GALNT13: variants seen among roughly 807,000 people sequenced by gnomAD.
The protein encoded by GALNT13 is UDP-GalNAc:polypeptide N-acetylgalactosaminyltransferase 13.
A neutral mutation model predicts 64.2 loss-of-function variants in GALNT13; 28 were observed. The observed-to-expected ratio is 0.44, with a 90% CI of 0.32 to 0.60. The LOEUF (loss-of-function observed/expected upper bound fraction) is 0.60, where lower values mean the gene tolerates loss of function less well. Ranked by LOEUF, GALNT13 falls within the 20% of genes least tolerant of loss-of-function variation. The pLI is 0.05. For missense variants in GALNT13, 577 were observed against 669.8 expected (o/e 0.86, Z 1.53); for synonymous variants, 214 against 224.6 (o/e 0.95, Z 0.42).
intron 4 of GALNT13, among the ~76,000 whole-genome samples, chr2:154,178,027 T>G (rs189868141): frequency 1.5e-3 from 233 of 152,306 alleles, no homozygotes; most frequent in African/African-American, 5.0e-3. Flanking sequence ...ATTCAGTAAT[T>G]GCAAATTATT....
chr2:153,405,036 C>T, the GALNT13 span, among the ~76,000 whole-genome samples: 25 of 152,298 alleles, frequency 1.6e-4, no homozygotes, highest in South Asian at 4.1e-4. Flanking sequence ...CTAGCCAGAG[C>T]TTGTGGTGTC....
chr2:154,166,602 T>C (rs1178578429), intron 4 of GALNT13, among the ~76,000 whole-genome samples: 2 of 152,222 alleles, frequency 1.3e-5, no homozygotes, highest in African/African-American at 4.8e-5. Context: ...AGAAATACCA[T>C]TTGACCTAGC....
the GALNT13 span, among the ~76,000 whole-genome samples, chr2:153,316,858 G>T: frequency 6.6e-6 from 1 of 151,990 alleles, no homozygotes; most frequent in South Asian, 2.1e-4. Context: ...GACTTTGTAG[G>T]GATTCAAGAC....
the GALNT13 span, among the ~76,000 whole-genome samples, chr2:153,402,604 T>A: frequency 2.0e-5 from 3 of 152,118 alleles, no homozygotes; most frequent in African/African-American, 4.8e-5. Context: ...TAGTCCCATA[T>A]TTCTTGGAGG....
At chr2:153,070,523 T>C in the GALNT13 span, among the ~76,000 whole-genome samples, 1 of 152,170 alleles carries the variant, frequency 6.6e-6, no homozygotes, top group South Asian at 2.1e-4. Context: ...ACCACACAAA[T>C]GCAAGATGCT....
At chr2:153,940,455 C>T (rs57698640) in intron 2 of GALNT13, among the ~76,000 whole-genome samples, 28,022 of 151,664 alleles carry the variant, frequency 0.18, 4,803 homozygotes, top group East Asian at 0.76. Context: ...CCGGGTTTTG[C>T]CATGTTGACC....
chr2:154,227,007 CA>C (rs1404829109), intron 4 of GALNT13, among the ~76,000 whole-genome samples: 3 of 152,090 alleles, frequency 2.0e-5, no homozygotes, highest in Non-Finnish European at 4.4e-5. Flanking sequence ...TGACCCTGCT[CA>C]AATAAAGTGC....
the GALNT13 span, among the ~76,000 whole-genome samples, chr2:153,743,301 A>G: frequency 6.6e-6 from 1 of 152,056 alleles, no homozygotes; most frequent in African/African-American, 2.4e-5. Flanking sequence ...TCATTGTTGG[A>G]TAGACACAAG....
chr2:153,491,703 C>G, the GALNT13 span, among the ~76,000 whole-genome samples: 1 of 152,000 alleles, frequency 6.6e-6, no homozygotes, highest in African/African-American at 2.4e-5. Context: ...TCACTGCAGC[C>G]TCCACCTCCC....
chr2:153,683,585 G>A, the GALNT13 span, among the ~76,000 whole-genome samples: 1 of 151,602 alleles, frequency 6.6e-6, no homozygotes, highest in African/African-American at 2.4e-5. Flanking sequence ...TTAAGTGTTA[G>A]ATATCTAAGA....
chr2:153,403,415 A>G, the GALNT13 span, among the ~76,000 whole-genome samples: 4 of 152,146 alleles, frequency 2.6e-5, no homozygotes, highest in Non-Finnish European at 2.9e-5. Flanking sequence ...GGTGGAGCCT[A>G]CAGAGGCAGG....
Position 154,453,529 on chromosome 2 carries a change from A to G in GALNT13, c.*2978A>G, listed in dbSNP as rs1371271213. 6.6e-6 allele frequency: 1 copy of G among 152,120 alleles called. No homozygotes were observed. The highest frequency in any genetic ancestry group is 1.5e-5 in the Non-Finnish European group (1 of 68,056). The allele number at this position is 152,120 out of a possible 1,614,324, so 9.4% of individuals were successfully genotyped here. A position where few individuals can be genotyped will look rare whatever the true frequency, so the allele number is the denominator to read the frequency against. ...TCAGTTCAAATATTATCTTATCAGT[A>G]AGACAAACCCTTCTCCCATCTGCCT... On this transcript the variant is annotated 3_prime_UTR_variant, in exon 13 of 13. Coordinates refer to ENST00000392825, the MANE Select transcript of GALNT13 (RefSeq NM_052917.4).
the GALNT13 span, among the ~76,000 whole-genome samples, chr2:153,801,593 G>C: frequency 6.6e-6 from 1 of 152,028 alleles, no homozygotes; most frequent in East Asian, 1.9e-4. Flanking sequence ...CCCCAAAAGA[G>C]TTACAATAGT....
chr2:153,118,866 T>A, the GALNT13 span, among the ~76,000 whole-genome samples: 2 of 152,280 alleles, frequency 1.3e-5, no homozygotes, highest in South Asian at 4.2e-4. Context: ...TTGGTATGGT[T>A]TGACTGTGTC....
rs148099712 is a variant in GALNT13 at position 154,104,667 on chromosome 2, T to C, written c.143-35670T>C. Among the ~76,000 whole-genome samples the C allele has an allele frequency of 3.9e-3, 592 of 152,336 alleles. 2 individuals carry two copies. Among genetic ancestry groups the C allele is most frequent in the African/African-American group, 0.014 (567 of 41,592 alleles). On this transcript the variant is annotated intron_variant, in intron 3 of 12. Transcript: ENST00000392825. ...TGGCAGCTTGCCCTCTCATTTTCCATAGGAATGGCACATGCCATACACTAG... is the reference window on the plus strand; with the variant it reads ...TGGCAGCTTGCCCTCTCATTTTCCACAGGAATGGCACATGCCATACACTAG...
chr2:153,280,008 G>A, the GALNT13 span, among the ~76,000 whole-genome samples: 3 of 151,972 alleles, frequency 2.0e-5, no homozygotes, highest in African/African-American at 7.2e-5. Context: ...GGCTTTTATT[G>A]GTTGGTAGAC....
chr2:154,112,561 C>T (rs950341340), intron 3 of GALNT13, among the ~76,000 whole-genome samples: 15 of 152,340 alleles, frequency 9.8e-5, no homozygotes, highest in Admixed American at 2.6e-4. Context: ...CTTCCATGTC[C>T]TTGACCATCC....
At chr2:153,822,158 A>G in the GALNT13 span, among the ~76,000 whole-genome samples, 6 of 152,166 alleles carry the variant, frequency 3.9e-5, 1 homozygote, top group East Asian at 1.2e-3. Flanking sequence ...CAGACATACA[A>G]CGAAGAGCTG....
At chr2:153,757,023 A>T in the GALNT13 span, among the ~76,000 whole-genome samples, 1 of 152,152 alleles carries the variant, frequency 6.6e-6, no homozygotes, top group Non-Finnish European at 1.5e-5. Flanking sequence ...ACAAATTATA[A>T]TTGTATGCAC....
Sources: gnomAD v4.1 joint callset for allele counts (sites outside exome capture counted in the v4.1 genomes callset) on GRCh38, gnomAD v4.1.1 for gene constraint, MANE v1.5 for transcripts, NCBI Gene and HGNC (gene_info 2026-07-23, HGNC 2026-07-21) for gene names.